PRELID2: variants seen among roughly 807,000 people sequenced by gnomAD.
The protein encoded by PRELID2 is PRELI domain-containing protein 2.
Under a neutral mutation model 28.4 loss-of-function variants are expected in PRELID2, and 25 were observed. The ratio of observed to expected loss-of-function variants is 0.88; its 90% CI spans 0.64 to 1.23. The LOEUF (loss-of-function observed/expected upper bound fraction) is 1.23. PRELID2 is among the 50% of genes most tolerant of loss of function. PRELID2 has a pLI of 0.00. For synonymous variants in PRELID2, 76 were observed against 71.6 expected (o/e 1.06, Z -0.31); for missense variants, 201 against 214.4 (o/e 0.94, Z 0.39).
At chr5:145,519,885 T>A (rs996796523) in intron 1 of PRELID2, among the ~76,000 whole-genome samples, 2 of 152,202 alleles carry the variant, frequency 1.3e-5, no homozygotes, top group African/African-American at 4.8e-5. Flanking sequence ...AAATTACAAT[T>A]GAAACATCTC....
At chr5:145,677,263 T>C (rs1241412096) in intron 1 of PRELID2, among the ~76,000 whole-genome samples, 2 of 148,954 alleles carry the variant, frequency 1.3e-5, no homozygotes, top group African/African-American at 4.9e-5. Flanking sequence ...CAAGCAATTC[T>C]CATGCCTCAG....
intron 1 of PRELID2, among the ~76,000 whole-genome samples, chr5:145,643,411 G>T (rs1754141443): frequency 6.6e-6 from 1 of 152,152 alleles, no homozygotes; most frequent in African/African-American, 2.4e-5. Context: ...GGAGATTTTG[G>T]GCTGAGAAGA....
At chr5:145,332,483 C>G in the PRELID2 span, among the ~76,000 whole-genome samples, 1 of 151,898 alleles carries the variant, frequency 6.6e-6, no homozygotes, top group Non-Finnish European at 1.5e-5. Flanking sequence ...TCTTTTTTCT[C>G]TAATCCTGTC....
chr5:145,780,643 TAGG>T lies in PRELID2; in HGVS notation c.475-15646_475-15644del, dbSNP rs1254798882. 7.9e-5 allele frequency among the ~76,000 whole-genome samples: 12 copies of T among 152,336 alleles called. No individual in the cohort carries two copies. In the East Asian group the frequency reaches 2.3e-3, roughly 29 times the overall value. Reference sequence around the variant, plus strand: ...TGTTTAAAGATTTTAAAAGTCTTTTTAGGAGGAGTATGATAAGTTTTTAAATTT... The same window carrying T: ...TGTTTAAAGATTTTAAAAGTCTTTTTAGGAGTATGATAAGTTTTTAAATTT... On this transcript the variant is annotated intron_variant, in intron 5 of 6. Coordinates refer to ENST00000683046, the MANE Select transcript of PRELID2 (RefSeq NM_205846.3).
chr5:145,265,434 C>T, the PRELID2 span, among the ~76,000 whole-genome samples: 1 of 152,010 alleles, frequency 6.6e-6, no homozygotes, highest in Non-Finnish European at 1.5e-5. Context: ...CATCAAAATA[C>T]CACCATCCTT....
At chr5:145,355,145 T>G in the PRELID2 span, among the ~76,000 whole-genome samples, 1 of 152,134 alleles carries the variant, frequency 6.6e-6, no homozygotes, top group Non-Finnish European at 1.5e-5. Flanking sequence ...ACAATAAAAT[T>G]TAATGGTATT....
chr5:145,617,548 A>G (rs746367930), intron 1 of PRELID2, among the ~76,000 whole-genome samples: 13 of 152,036 alleles, frequency 8.6e-5, no homozygotes, highest in Non-Finnish European at 1.5e-4. Flanking sequence ...GGCTTTGTTC[A>G]TATTTTCTTA....
chr5:145,677,080 G>A (rs117788554), intron 1 of PRELID2, among the ~76,000 whole-genome samples: 11,464 of 150,704 alleles, frequency 0.076, 642 homozygotes, highest in Admixed American at 0.19. Flanking sequence ...AAAAAATTAA[G>A]AAATTATTAA....
chr5:145,412,044 C>CCAT, the PRELID2 span, among the ~76,000 whole-genome samples: 5 of 152,102 alleles, frequency 3.3e-5, no homozygotes, highest in East Asian at 9.7e-4. Context: ...GGCCAGAAAA[C>CCAT]CATTTTTCTC....
At chr5:145,705,126 C>T (rs917234724) in intron 1 of PRELID2, among the ~76,000 whole-genome samples, 3 of 151,860 alleles carry the variant, frequency 2.0e-5, no homozygotes, top group Non-Finnish European at 4.4e-5. Flanking sequence ...AATAAAATAA[C>T]GATGCTTTAC....
the PRELID2 span, among the ~76,000 whole-genome samples, chr5:145,421,685 C>A: frequency 7.0e-6 from 1 of 143,684 alleles, no homozygotes; most frequent in East Asian, 2.0e-4. Flanking sequence ...AAAAAACCAG[C>A]TCCTGGATTC....
At chr5:145,507,086 A>G (rs1752418933) in intron 1 of PRELID2, among the ~76,000 whole-genome samples, 2 of 152,226 alleles carry the variant, frequency 1.3e-5, no homozygotes, top group African/African-American at 4.8e-5. Flanking sequence ...TAAGGGCTCA[A>G]TAAATCCTTA....
At chr5:145,287,420 G>A in the PRELID2 span, among the ~76,000 whole-genome samples, 1 of 151,964 alleles carries the variant, frequency 6.6e-6, no homozygotes, top group African/African-American at 2.4e-5. Flanking sequence ...TGATAACCAA[G>A]GTAGCTACTA....
intron 1 of PRELID2, among the ~76,000 whole-genome samples, chr5:145,827,618 CA>C (rs1220460928): frequency 6.6e-6 from 1 of 152,172 alleles, no homozygotes; most frequent in Admixed American, 6.5e-5. Flanking sequence ...CAATAATCAG[CA>C]ACGGCATAGT....
intron 1 of PRELID2, among the ~76,000 whole-genome samples, chr5:145,480,712 T>C (rs1037033555): frequency 1.7e-4 from 26 of 152,116 alleles, no homozygotes; most frequent in African/African-American, 5.8e-4. Flanking sequence ...AGTGATTTTT[T>C]CCTCTACTCA....
In PRELID2 at chr5:145,796,504, C is replaced by T; in HGVS notation, c.412G>A (p.Gly138Arg). 6.2e-7 allele frequency: 1 copy of T among 1,609,754 alleles called. No homozygotes were observed. The part of the protein sequence containing the change: ...QRGRISITGV[G>R]FLNCVLETFA... ...GTTTCTAAAACACAGTTGAGAAATCCAACCCCTGTGATTGAAATCCTGCCT... is the reference window on the plus strand; with the variant it reads ...GTTTCTAAAACACAGTTGAGAAATCTAACCCCTGTGATTGAAATCCTGCCT... Residue 138 changes from glycine (G) to arginine (R), a missense_variant, in exon 5 of 7, where the codon GGA becomes AGA. By Grantham distance (125) the Gly-to-Arg change is moderately radical. Coordinates refer to ENST00000683046, the MANE Select transcript of PRELID2 (RefSeq NM_205846.3).
chr5:145,267,024 G>A, the PRELID2 span, among the ~76,000 whole-genome samples: 72 of 152,108 alleles, frequency 4.7e-4, no homozygotes, highest in Non-Finnish European at 6.6e-4. Context: ...GGGACTTGGG[G>A]AAAAAGGAGT....
chr5:145,675,950 G>T (rs1209192979), intron 1 of PRELID2, among the ~76,000 whole-genome samples: 1 of 152,266 alleles, frequency 6.6e-6, no homozygotes, highest in Non-Finnish European at 1.5e-5. Flanking sequence ...GCTGGGCGCA[G>T]TGGCTCACGC....
chr5:145,533,212 T>C (rs1004144004), intron 1 of PRELID2, among the ~76,000 whole-genome samples: 10 of 152,074 alleles, frequency 6.6e-5, no homozygotes, highest in Non-Finnish European at 1.2e-4. Context: ...AATGGGACAA[T>C]GTAAAAGGCA....
Sources: allele counts gnomAD v4.1 joint callset (sites outside exome capture counted in the v4.1 genomes callset), GRCh38; gene constraint gnomAD v4.1.1; transcripts MANE v1.5; gene names NCBI Gene and HGNC (gene_info 2026-07-23, HGNC 2026-07-21).